The following ALDH2 variants were observed in gnomAD, a reference collection of about 807,000 sequenced individuals.
The protein encoded by ALDH2 is aldehyde dehydrogenase 2 family member.
Under a neutral mutation model 59.6 loss-of-function variants are expected in ALDH2, and 44 were observed. The observed-to-expected ratio is 0.74, with a 90% confidence interval of 0.58 to 0.95. The LOEUF (loss-of-function observed/expected upper bound fraction) is 0.95, where lower values mean the gene tolerates loss of function less well. ALDH2 is among the 40% of genes least tolerant of loss of function. The pLI is 0.00. For missense variants in ALDH2, 570 were observed against 696.3 expected, an observed-to-expected ratio of 0.82 and a Z score of 2.04; for synonymous variants, 291 against 284.0, an observed-to-expected ratio of 1.02 and a Z score of -0.25.
intron 12 of ALDH2, among the ~76,000 whole-genome samples, chr12:111,805,250 G>A (rs1373344663): frequency 6.6e-6 from 1 of 152,146 alleles, no homozygotes; most frequent in Non-Finnish European, 1.5e-5. Flanking sequence ...GGAGCGTGGT[G>A]TTGCATGCCT....
intron 12 of ALDH2, among the ~76,000 whole-genome samples, chr12:111,807,701 C>T (rs951757626): frequency 7.9e-5 from 12 of 152,194 alleles, no homozygotes; most frequent in African/African-American, 2.9e-4. Context: ...AAATATGGCT[C>T]TTCCAGGAAC....
intron 10 of ALDH2, 85 bp from the exon 11 acceptor site, chr12:111,799,821 T>G: frequency 1.4e-6 from 2 of 1,468,236 alleles, no homozygotes. Flanking sequence ...TCCCCCAATC[T>G]GGAATCATCT....
intron 10 of ALDH2, among the ~76,000 whole-genome samples, chr12:111,799,468 A>C (rs954107936): frequency 4.6e-5 from 7 of 151,238 alleles, no homozygotes; most frequent in South Asian, 2.1e-4. Flanking sequence ...TGCCTGGCCA[A>C]AAATTTTTTT....
At chr12:111,803,455 A>T (rs1224600009) in intron 11 of ALDH2, among the ~76,000 whole-genome samples, 1 of 151,724 alleles carries the variant, frequency 6.6e-6, no homozygotes, top group Non-Finnish European at 1.5e-5. Flanking sequence ...AGATAAAAAA[A>T]TTAGCCAGGC....
At chr12:111,776,697 A>T (rs1195753791) in intron 1 of ALDH2, among the ~76,000 whole-genome samples, 1 of 151,446 alleles carries the variant, frequency 6.6e-6, no homozygotes, top group Non-Finnish European at 1.5e-5. Flanking sequence ...TTCAGAATAA[A>T]ATTTTTTTTT....
chr12:111,785,397 C>A, intron 4 of ALDH2, 51 bp downstream of exon 4: 2 of 1,511,442 alleles, frequency 1.3e-6, no homozygotes, highest in Non-Finnish European at 9.2e-7. Context: ...AAAGGGGAGG[C>A]AACGTTGTTA....
At chr12:111,793,746 T>A (rs1398830132) in intron 9 of ALDH2, among the ~76,000 whole-genome samples, 1 of 150,194 alleles carries the variant, frequency 6.7e-6, no homozygotes, top group Non-Finnish European at 1.5e-5. Flanking sequence ...CCACCACGCC[T>A]GGCTAATTTT....
At chr12:111,797,987 A>G (rs1371356169) in intron 9 of ALDH2, 91 bp from the exon 10 acceptor site, 1 of 1,479,992 alleles carries the variant, frequency 6.8e-7, no homozygotes. Flanking sequence ...TCCATTTCCC[A>G]GTTGTCTTGT....
intron 10 of ALDH2, among the ~76,000 whole-genome samples, chr12:111,799,555 C>T (rs1022563667): frequency 1.4e-5 from 2 of 147,342 alleles, no homozygotes; most frequent in African/African-American, 2.5e-5. Flanking sequence ...GCAGTTCTCC[C>T]ACCTTGGCCT....
chr12:111,799,022 G>A (rs778057244), intron 10 of ALDH2, among the ~76,000 whole-genome samples: 5 of 151,854 alleles, frequency 3.3e-5, no homozygotes, highest in Admixed American at 6.6e-5. Context: ...TTTTAGCCAC[G>A]CCTGGCTAAT....
intron 3 of ALDH2, among the ~76,000 whole-genome samples, chr12:111,784,350 T>C (rs1281207274): frequency 6.6e-6 from 1 of 152,182 alleles, no homozygotes; most frequent in Non-Finnish European, 1.5e-5. Context: ...AGTTCCATCA[T>C]CTGAGTCATG....
chr12:111,783,888 G>C (rs1225441503), intron 3 of ALDH2, among the ~76,000 whole-genome samples: 2 of 152,078 alleles, frequency 1.3e-5, no homozygotes, highest in Non-Finnish European at 2.9e-5. Context: ...CTTCCCAGGA[G>C]AGAGACCCCT....
At chr12:111,772,150 T>C (rs1338564969) in intron 1 of ALDH2, among the ~76,000 whole-genome samples, 1 of 152,014 alleles carries the variant, frequency 6.6e-6, no homozygotes, top group East Asian at 1.9e-4. Context: ...TGAGCAGATA[T>C]TAAAAGAAAA....
Position 111,803,961 on chromosome 12 carries a change from T to G in ALDH2, c.1509T>G (p.Thr503=), listed in dbSNP as rs1250500152. The G allele has an allele frequency of 6.2e-7, 1 of 1,608,756 alleles. No homozygotes were observed. The highest frequency in any genetic ancestry group is 2.2e-5 in the East Asian group (1 of 44,682). The change falls in exon 12 of 13, where the codon ACT becomes ACG. Residue 503 remains threonine (T), a synonymous_variant. Transcript: ENST00000261733. ...GCGAGTACGGGCTGCAGGCATACAC[T>G]GAAGTGAAAACTGTGAGTGTGGGAC... is the stretch of plus-strand genomic sequence containing the variant. ...ELGEYGLQAY[T]EVKTVTVKVP... is the part of the protein sequence containing the mutation.
At chr12:111,803,064 A>C (rs1646595708) in intron 11 of ALDH2, among the ~76,000 whole-genome samples, 1 of 150,726 alleles carries the variant, frequency 6.6e-6, no homozygotes, top group Non-Finnish European at 1.5e-5. Context: ...GGTAGCATGC[A>C]CCTGTAATCC....
At chr12:111,807,970 G>A (rs1320721169) in intron 12 of ALDH2, among the ~76,000 whole-genome samples, 1 of 151,294 alleles carries the variant, frequency 6.6e-6, no homozygotes. Context: ...TCCGCCTCCC[G>A]GGCTCAAGCG....
At chr12:111,769,920 C>G (rs1415442409) in intron 1 of ALDH2, among the ~76,000 whole-genome samples, 1 of 151,878 alleles carries the variant, frequency 6.6e-6, no homozygotes, top group Non-Finnish European at 1.5e-5. Context: ...CTGAAGCAGG[C>G]GGATCACGAG....
Position 111,785,282 on chromosome 12 carries a change from G to T in ALDH2, c.376G>T (p.Asp126Tyr). Residue 126 changes from aspartate to tyrosine, a missense_variant, in exon 4 of 13, where the codon GAC becomes TAC. Asp to Tyr is a radical substitution (Grantham distance 160). Coordinates refer to ENST00000261733, the MANE Select transcript of ALDH2 (RefSeq NM_000690.4). ...TTCTTCTCAGGCCTTGGAGACCCTG[G>T]ACAATGGCAAGCCCTATGTCATCTC... is the stretch of plus-strand genomic sequence containing the variant. ...RTYLAALETLDNGKPYVISYL... is the reference protein window; with the variant it reads ...RTYLAALETLYNGKPYVISYL... 6.2e-7 allele frequency: 1 copy of T among 1,614,038 alleles called. No individual in the cohort carries two copies.
chr12:111,804,620 G>A (rs1453981661), intron 12 of ALDH2, among the ~76,000 whole-genome samples: 2 of 151,946 alleles, frequency 1.3e-5, no homozygotes, highest in Non-Finnish European at 2.9e-5. Flanking sequence ...GGTGGCGTGC[G>A]CCTGTAATCC....
Sources: allele counts gnomAD v4.1 joint callset (sites outside exome capture counted in the v4.1 genomes callset), GRCh38; gene constraint gnomAD v4.1.1; transcripts MANE v1.5; gene names NCBI Gene and HGNC (gene_info 2026-07-23, HGNC 2026-07-21).